The following CRTC3 variants were observed in gnomAD, a reference collection of about 807,000 sequenced individuals.
CRTC3 encodes the protein CREB-regulated transcription coactivator 3.
CRTC3 carries 26 observed loss-of-function variants against 74.5 expected under a neutral mutation model. The ratio of observed to expected loss-of-function variants is 0.35; its 90% CI spans 0.26 to 0.48. The LOEUF (loss-of-function observed/expected upper bound fraction) is 0.48. CRTC3 is among the 20% of genes least tolerant of loss of function. CRTC3 has a pLI of 0.99. For synonymous variants in CRTC3, 377 were observed against 325.8 expected (o/e 1.16, Z -1.69); for missense variants, 760 against 787.3 (o/e 0.97, Z 0.41).
In CRTC3 at chr15:90,633,804, CTTGT is replaced by C. The variant is rs527356755; in HGVS notation, c.1266+4283_1266+4286del. 3.2e-3 allele frequency among the ~76,000 whole-genome samples: 484 copies of C among 151,234 alleles called. 1 individual carries two copies. The Middle Eastern group carries it at 0.051, about 16-fold the overall frequency. On this transcript the variant is annotated intron_variant, in intron 11 of 14. Coordinates refer to ENST00000268184, the MANE Select transcript of CRTC3 (RefSeq NM_022769.5). ...TCTTTTGCTTCTCTGTGGTTGCTTC[CTTGT>C]TTGTTTGTTTTGCTTTGCTTTCTGG...
chr15:90,607,567 C>A, intron 6 of CRTC3, 89 bp downstream of exon 6: 1 of 796,056 alleles, frequency 1.3e-6, no homozygotes, highest in Non-Finnish European at 2.1e-6. Flanking sequence ...GTGGTGTTTG[C>A]GCTTCCCGGT....
At chr15:90,603,442 C>CA (rs201680485) in intron 4 of CRTC3, among the ~76,000 whole-genome samples, 387 of 144,466 alleles carry the variant, frequency 2.7e-3, no homozygotes, top group African/African-American at 9.2e-3. Context: ...GACTCCATCT[C>CA]AAAAAAAAAA....
intron 2 of CRTC3, among the ~76,000 whole-genome samples, chr15:90,555,066 T>C (rs1015311164): frequency 1.3e-5 from 2 of 152,100 alleles, no homozygotes; most frequent in East Asian, 3.8e-4. Flanking sequence ...GGGATGCACA[T>C]GTGAAAGGTG....
intron 7 of CRTC3, among the ~76,000 whole-genome samples, chr15:90,614,946 C>A (rs1028123890): frequency 6.6e-6 from 1 of 151,996 alleles, no homozygotes; most frequent in Non-Finnish European, 1.5e-5. Flanking sequence ...TGCCTGTGGT[C>A]CCAGATACTC....
At chr15:90,636,270 G>A (rs1382113290) in intron 11 of CRTC3, among the ~76,000 whole-genome samples, 1 of 151,762 alleles carries the variant, frequency 6.6e-6, no homozygotes, top group African/African-American at 2.4e-5. Context: ...ACAACCATCT[G>A]ATCTTTGACA....
chr15:90,542,077 C>T (rs774792695), intron 2 of CRTC3, among the ~76,000 whole-genome samples: 4 of 151,622 alleles, frequency 2.6e-5, no homozygotes, highest in Non-Finnish European at 4.4e-5. Flanking sequence ...AGCCACCGTG[C>T]GTAGCCCCCA....
intron 9 of CRTC3, among the ~76,000 whole-genome samples, chr15:90,621,062 G>A (rs1465724773): frequency 2.0e-5 from 3 of 152,140 alleles, no homozygotes; most frequent in Admixed American, 6.5e-5. Flanking sequence ...ACAGGCCGCC[G>A]AGAGGTGCAG....
At chr15:90,575,782 T>G (rs7498042) in intron 2 of CRTC3, among the ~76,000 whole-genome samples, 95,786 of 152,078 alleles carry the variant, frequency 0.63, 31,113 homozygotes, top group South Asian at 0.85. Context: ...TTTCGGTGAT[T>G]TTTCTAGGCT....
At position 90,629,444 on chromosome 15, in the gene CRTC3, T is replaced by C. The variant is rs1332077618; in HGVS notation, c.1178T>C (p.Leu393Pro). 1 of 1,613,958 alleles carries C rather than the reference T, an allele frequency of 6.2e-7. No individual in the cohort carries two copies. The highest frequency in any genetic ancestry group is 1.3e-5 in the African/African-American group (1 of 74,902). The change falls in exon 11 of 15, where the codon CTC becomes CCC. Residue 393 changes from leucine (L) to proline (P), a missense_variant. Around this residue, in one of 2 missense-constraint regions of CRTC3, gnomAD observed 652 missense variants for 635.2 expected, o/e 1.03. Coordinates refer to ENST00000268184, the MANE Select transcript of CRTC3 (RefSeq NM_022769.5). ...CGTCGGCAGCCTCCCGTCAGCCCTC[T>C]CACGCTTTCTCCTGGCCCTGAAGCA... is the stretch of plus-strand genomic sequence containing the variant. The part of the protein sequence containing the change: ...SRRRQPPVSP[L>P]TLSPGPEAHQ...
chr15:90,552,685 G>C (rs1212533064), intron 2 of CRTC3, among the ~76,000 whole-genome samples: 1 of 152,156 alleles, frequency 6.6e-6, no homozygotes. Flanking sequence ...TTTTGTATGT[G>C]AAGTGGGGAT....
intron 1 of CRTC3, among the ~76,000 whole-genome samples, chr15:90,531,801 C>T (rs1966631265): frequency 6.6e-6 from 1 of 152,120 alleles, no homozygotes; most frequent in African/African-American, 2.4e-5. Context: ...CAAATACATG[C>T]ACTGTATATG....
rs150680240 is a variant in CRTC3 at position 90,537,964 on chromosome 15, G to A, written c.133-2075G>A. Among the ~76,000 whole-genome samples, 786 of 152,266 alleles carry A rather than the reference G, an allele frequency of 5.2e-3. 4 individuals carry two copies. The highest frequency in any genetic ancestry group is 8.3e-3 in the Non-Finnish European group (565 of 68,012). ...GAGCAGTTATGGGGGATTGTGAGAC[G>A]GCCTTCAGCTCAGTTGAGGGCAGGT... On this transcript the variant is annotated intron_variant, in intron 1 of 14. Coordinates refer to ENST00000268184, the MANE Select transcript of CRTC3 (RefSeq NM_022769.5).
rs1969558147 is a variant in CRTC3 at position 90,644,468 on chromosome 15, T to C, written c.*2328T>C. On this transcript the variant is annotated 3_prime_UTR_variant, in exon 15 of 15. Transcript: ENST00000268184. ...CAGTTTGTCTGCACAGCAGCCACCCTGCCTGGCAACAGAGACCCCAAGACC... is the reference window on the plus strand; with the variant it reads ...CAGTTTGTCTGCACAGCAGCCACCCCGCCTGGCAACAGAGACCCCAAGACC... 1 of 232,150 alleles carries C rather than the reference T, an allele frequency of 4.3e-6. No individual in the cohort carries two copies. The highest frequency in any genetic ancestry group is 8.5e-6 in the Non-Finnish European group (1 of 117,406). 14.4% of individuals were successfully genotyped at this position (232,150 alleles called of 1,614,324 possible). A position where few individuals can be genotyped will look rare whatever the true frequency, so the allele number is the denominator to read the frequency against.
intron 2 of CRTC3, among the ~76,000 whole-genome samples, chr15:90,580,008 A>G (rs546584899): frequency 2.6e-5 from 4 of 152,176 alleles, no homozygotes; most frequent in Non-Finnish European, 5.9e-5. Flanking sequence ...CAGGAACATC[A>G]GAAGAAATAC....
At chr15:90,552,253 C>T (rs1043820061) in intron 2 of CRTC3, among the ~76,000 whole-genome samples, 3 of 152,126 alleles carry the variant, frequency 2.0e-5, no homozygotes, top group Non-Finnish European at 2.9e-5. Flanking sequence ...TACTGCGGCC[C>T]GAGCAGCCGG....
chr15:90,629,236 C>A lies in CRTC3; in HGVS notation c.970C>A (p.Leu324Ile). ...THLGIRSSSG[L>I]QSSRSNPSIQ... Reference sequence around the variant, plus strand: ...CTTGTGAATTTGTTGTCTTCCAGGTCTCCAGAGTTCTCGGAGTAACCCCTC... The same window carrying A: ...CTTGTGAATTTGTTGTCTTCCAGGTATCCAGAGTTCTCGGAGTAACCCCTC... The change falls in exon 11 of 15, where the codon CTC (leucine) becomes ATC (isoleucine). Residue 324 changes from leucine (L) to isoleucine (I), a missense_variant and splice_region_variant. Around this residue, in one of 2 missense-constraint regions of CRTC3, gnomAD observed 652 missense variants for 635.2 expected, o/e 1.03. Transcript: ENST00000268184. 1 of 1,610,336 alleles carries A rather than the reference C, an allele frequency of 6.2e-7. No homozygotes were observed. Among genetic ancestry groups the A allele is most frequent in the Non-Finnish European group, 8.5e-7 (1 of 1,177,000 alleles).
chr15:90,641,954 C>A lies in CRTC3; in HGVS notation c.1674C>A (p.Phe558Leu). ...ILPEDSSTSLFKDLNSALAGL... is the reference protein window; with the variant it reads ...ILPEDSSTSLLKDLNSALAGL... Reference sequence around the variant, plus strand: ...CAGAAGACTCCAGCACCAGCCTGTTCAAAGACCTCAACAGTGCGCTGGCAG... The same window carrying A: ...CAGAAGACTCCAGCACCAGCCTGTTAAAAGACCTCAACAGTGCGCTGGCAG... The change falls in exon 15 of 15, where the codon TTC (phenylalanine) becomes TTA (leucine). Residue 558 changes from phenylalanine to leucine, a missense_variant. Phe to Leu is a conservative substitution (Grantham distance 22). Coordinates refer to ENST00000268184, the MANE Select transcript of CRTC3 (RefSeq NM_022769.5). 1.9e-6 allele frequency: 3 copies of A among 1,613,658 alleles called. No individual in the cohort carries two copies. The highest frequency in any genetic ancestry group is 8.5e-7 in the Non-Finnish European group (1 of 1,179,878).
rs1212454021 is a variant in CRTC3, at chr15:90,530,956, T to G, written c.132+753T>G. Among the ~76,000 whole-genome samples the G allele has an allele frequency of 6.6e-6, 1 of 151,468 alleles. No homozygotes were observed. The highest frequency in any genetic ancestry group is 1.9e-4 in the East Asian group (1 of 5,172). ...GTGGAGGATGGAGAGCCAACCGGAG[T>G]GTCCGCGCAGGGTTGCAGAGAAGGG... On this transcript the variant is annotated intron_variant, in intron 1 of 14. Transcript: ENST00000268184. The surrounding 1 kb of genome is among the most constrained non-coding windows in gnomAD (Gnocchi z 6.2).
At chr15:90,543,193 A>G (rs186406226) in intron 2 of CRTC3, among the ~76,000 whole-genome samples, 7 of 148,966 alleles carry the variant, frequency 4.7e-5, no homozygotes, top group African/African-American at 1.7e-4. Flanking sequence ...GCTACTTGGG[A>G]AGCCGAAGTG....
Sources: allele counts gnomAD v4.1 joint callset (sites outside exome capture counted in the v4.1 genomes callset), GRCh38; gene constraint gnomAD v4.1.1; regional missense constraint gnomAD v4.1.1; non-coding constraint Gnocchi (gnomAD v3.1); transcripts MANE v1.5; gene names NCBI Gene and HGNC (gene_info 2026-07-23, HGNC 2026-07-21).